Variants in IK observed in about 807,000 individuals in gnomAD.
The protein encoded by IK is protein Red.
IK carries 47 observed loss-of-function variants against 90.9 expected under a neutral mutation model. The observed-to-expected ratio is 0.52, with a 90% CI of 0.41 to 0.66. The LOEUF (loss-of-function observed/expected upper bound fraction) is 0.66. IK is among the 30% of genes least tolerant of loss of function. The pLI, the probability that IK is intolerant of heterozygous loss-of-function variation, is 0.00. For synonymous variants in IK, 201 were observed against 227.5 expected (o/e 0.88, Z 1.05); for missense variants, 385 against 709.3 (o/e 0.54, Z 5.19).
At position 140,658,770 on chromosome 5, in the gene IK, A is replaced by C. The variant is rs962738430; in HGVS notation, c.944A>C (p.Asp315Ala). 1.2e-6 allele frequency: 2 copies of C among 1,611,568 alleles called. No homozygotes were observed. The highest frequency in any genetic ancestry group is 2.7e-5 in the African/African-American group (2 of 74,916). Residue 315 changes from aspartate (D) to alanine (A), a missense_variant, in exon 11 of 20, where the codon GAC becomes GCC. By Grantham distance (126) the Asp-to-Ala change is moderately radical (BLOSUM62 -2). This residue lies in a region of IK where 139 missense variants were observed against 172.0 expected (regional missense o/e 0.81). Coordinates refer to ENST00000417647, the MANE Select transcript of IK (RefSeq NM_006083.4). ...KLEEKKPPEADMNIFEDIGDY... is the reference protein window; with the variant it reads ...KLEEKKPPEAAMNIFEDIGDY... ...GAAGAGAAGAAACCTCCTGAGGCTG[A>C]CATGAAGTATGTATCCTAGCCCCTG...
chr5:140,660,820 G>A lies in IK; in HGVS notation c.1413+5G>A. On this transcript the variant is annotated splice_donor_5th_base_variant and intron_variant, in intron 16 of 19. Transcript: ENST00000417647. ...GATTATAGCAAAATGGACCAGGTATGTAGTTAGAAGGATGGTGGGCGCCTT... is the reference window on the plus strand; with the variant it reads ...GATTATAGCAAAATGGACCAGGTATATAGTTAGAAGGATGGTGGGCGCCTT... 1 of 1,610,136 alleles carries A rather than the reference G, an allele frequency of 6.2e-7. No individual in the cohort carries two copies.
chr5:140,660,041 C>G (rs1449744689), intron 14 of IK, 74 bp from the exon 15 acceptor site: 41 of 1,344,484 alleles, frequency 3.0e-5, no homozygotes, highest in Non-Finnish European at 4.2e-5. Flanking sequence ...GCTTCTAGCC[C>G]TTGGCCCCCT....
intron 9 of IK, among the ~76,000 whole-genome samples, 178 bp from the exon 10 acceptor site, chr5:140,657,376 T>C (rs544408008): frequency 5.9e-5 from 9 of 152,318 alleles, no homozygotes; most frequent in African/African-American, 2.2e-4. Context: ...TTGATTCATT[T>C]TGATGCAGGG....
Position 140,656,359 on chromosome 5 carries a change from A to AT in IK, c.801+374dup, listed in dbSNP as rs572765690. ...AGGCATTCATCACCACACCTGGTTA[A>AT]TTTTTTTATTTTTAGTAGAGATTGG... On this transcript the variant is annotated intron_variant, in intron 9 of 19. Transcript: ENST00000417647. Among the ~76,000 whole-genome samples the AT allele has an allele frequency of 3.4e-3, 522 of 152,194 alleles. 6 individuals are homozygous for AT. Among genetic ancestry groups the AT allele is most frequent in the African/African-American group, 0.012 (495 of 41,512 alleles).
rs866319180 is a variant in IK, at chr5:140,653,665, C to T, written c.405-273C>T. ...TGTTGCCCAGGCTGGAGTGCAGTAGCGCGATCTCAGCTCACTGCAGCCTCC... is the reference window on the plus strand; with the variant it reads ...TGTTGCCCAGGCTGGAGTGCAGTAGTGCGATCTCAGCTCACTGCAGCCTCC... On this transcript the variant is annotated intron_variant, in intron 5 of 19. Transcript: ENST00000417647. Among the ~76,000 whole-genome samples the T allele has an allele frequency of 1.5e-4, 20 of 135,736 alleles. No individual in the cohort carries two copies. The Middle Eastern group carries it at 0.018, about 119-fold the overall frequency. The allele number at this position is 135,736 out of a possible 152,430, so 89.0% of individuals were successfully genotyped here.
chr5:140,653,904 G>A lies in IK; in HGVS notation c.405-34G>A, dbSNP rs1418496020. ...AGGCGTGATCCACCACGCCTGGACA[G>A]TACTGTTCTTATGTGGCCTCTTTCA... On this transcript the variant is annotated intron_variant, in intron 5 of 19. Transcript: ENST00000417647. 11 of 1,348,484 alleles carry A rather than the reference G, an allele frequency of 8.2e-6. No homozygotes were observed. The East Asian group carries it at 9.2e-5, about 11-fold the overall frequency. The allele number at this position is 1,348,484 out of a possible 1,614,324, so 83.5% of individuals were successfully genotyped here.
At chr5:140,652,008 A>G in intron 3 of IK, 80 bp from the exon 4 acceptor site, 1 of 1,142,880 alleles carries the variant, frequency 8.7e-7, no homozygotes, top group Admixed American at 1.7e-5. Flanking sequence ...AGGTCTTTCT[A>G]AAAATCCTCA....
chr5:140,648,469 A>G lies in IK; in HGVS notation c.17-2A>G. 1 of 1,613,948 alleles carries G rather than the reference A, an allele frequency of 6.2e-7. No individual in the cohort carries two copies. The highest frequency in any genetic ancestry group is 8.5e-7 in the Non-Finnish European group (1 of 1,179,806). On this transcript the variant is annotated splice_acceptor_variant, in intron 1 of 19. Transcript: ENST00000417647. LOFTEE classifies it high-confidence loss of function. ...TAAATTAACGTCAATTTTTTTTGTC[A>G]GGTGAGCCGTTCTCCAACCCTTTGG...
At chr5:140,660,292 CTTTTTTTTT>C (rs200714869) in intron 15 of IK, 97 bp downstream of exon 15, 93 of 282,998 alleles carry the variant, frequency 3.3e-4, no homozygotes, top group Admixed American at 5.7e-4. Context: ...AGGGCTACTT[CTTTTTTTTT>C]TTTTTTTTTT....
chr5:140,659,054 C>G lies in IK; in HGVS notation c.1066C>G (p.Arg356Gly). 1 of 1,610,574 alleles carries G rather than the reference C, an allele frequency of 6.2e-7. No homozygotes were observed. The highest frequency in any genetic ancestry group is 8.5e-7 in the Non-Finnish European group (1 of 1,177,036). ...TCGGGAAAGAGACAGAGACCGTGACCGAGAGCGAGAGCGAGAACGAGATCG... is the reference window on the plus strand; with the variant it reads ...TCGGGAAAGAGACAGAGACCGTGACGGAGAGCGAGAGCGAGAACGAGATCG... ...RDRERDRDRD[R>G]ERERERDRER... Residue 356 changes from arginine to glycine, a missense_variant, in exon 12 of 20, where the codon CGA becomes GGA. Transcript: ENST00000417647.
At chr5:140,649,916 G>C (rs1353039810) in intron 2 of IK, among the ~76,000 whole-genome samples, 1 of 152,160 alleles carries the variant, frequency 6.6e-6, no homozygotes. Context: ...TAAAATATTT[G>C]AGTTAAATGA....
intron 15 of IK, 108 bp from the exon 16 acceptor site, chr5:140,660,650 T>C: frequency 2.5e-6 from 2 of 805,492 alleles, no homozygotes; most frequent in East Asian, 2.5e-5. Flanking sequence ...AAGTGGGAGG[T>C]CTAGGGGGTG....
intron 5 of IK, among the ~76,000 whole-genome samples, chr5:140,653,580 GC>G (rs544376902): frequency 0.024 from 1,794 of 73,952 alleles, 13 homozygotes; most frequent in African/African-American, 0.086. Context: ...ACCGCACCTG[GC>G]CCCCCAACCC....
intron 6 of IK, 132 bp downstream of exon 6, chr5:140,654,184 A>G (rs1757667934): frequency 1.6e-6 from 1 of 644,584 alleles, no homozygotes; most frequent in African/African-American, 1.8e-5. Flanking sequence ...GCCCCTCTGA[A>G]AAGCTGATTG....
At chr5:140,652,216 T>A in intron 4 of IK, 69 bp downstream of exon 4, 1 of 1,173,348 alleles carries the variant, frequency 8.5e-7, no homozygotes, top group Non-Finnish European at 1.3e-6. Flanking sequence ...TAGGGGCTAA[T>A]TATGAAGCTA....
rs754800985 is a variant in IK at position 140,651,797 on chromosome 5, G to A, written c.167G>A (p.Arg56His). ...ACCTCTGCACCACCTTCTAAGTCAC[G>A]TCACCATGAGTAAGTCTTTGGGTGA... ...APTSAPPSKS[R>H]HHEMPREYNE... Residue 56 changes from arginine to histidine, a missense_variant, in exon 3 of 20, where the codon CGT becomes CAT. Physicochemically the swap from Arg to His is conservative, Grantham distance 29. This residue lies in a region of IK where 64 missense variants were observed against 144.6 expected (regional missense o/e 0.44). Coordinates refer to ENST00000417647, the MANE Select transcript of IK (RefSeq NM_006083.4). 5.6e-6 allele frequency: 9 copies of A among 1,601,122 alleles called. No homozygotes were observed. Among genetic ancestry groups the A allele is most frequent in the South Asian group, 3.3e-5 (3 of 90,730 alleles).
chr5:140,648,468 C>G lies in IK; in HGVS notation c.17-3C>G, dbSNP rs1386847296. 2 of 1,613,754 alleles carry G rather than the reference C, an allele frequency of 1.2e-6. No individual in the cohort carries two copies. Among genetic ancestry groups the G allele is most frequent in the Admixed American group, 1.7e-5 (1 of 60,024 alleles). ...TTAAATTAACGTCAATTTTTTTTGT[C>G]AGGTGAGCCGTTCTCCAACCCTTTG... On this transcript the variant is annotated splice_polypyrimidine_tract_variant and splice_region_variant and intron_variant, in intron 1 of 19. Coordinates refer to ENST00000417647, the MANE Select transcript of IK (RefSeq NM_006083.4).
chr5:140,660,107 T>G lies in IK; in HGVS notation c.1275-8T>G. The G allele has an allele frequency of 6.2e-7, 1 of 1,612,138 alleles. No homozygotes were observed. Among genetic ancestry groups the G allele is most frequent in the Admixed American group, 1.7e-5 (1 of 59,972 alleles). Reference sequence around the variant, plus strand: ...ATCCTGTGTAGTGTTTTCTTTAACATAGCATATGCTGAAGAAGCCAGAAGA... The same window carrying G: ...ATCCTGTGTAGTGTTTTCTTTAACAGAGCATATGCTGAAGAAGCCAGAAGA... On this transcript the variant is annotated splice_polypyrimidine_tract_variant and splice_region_variant and intron_variant, in intron 14 of 19. Coordinates refer to ENST00000417647, the MANE Select transcript of IK (RefSeq NM_006083.4).
chr5:140,658,865 A>AATCTG, intron 11 of IK, 74 bp from the exon 12 acceptor site: 1 of 1,600,500 alleles, frequency 6.2e-7, no homozygotes. Context: ...CTGACATGAG[A>AATCTG]ATCTGGAGAA....
Sources: allele counts gnomAD v4.1 joint callset (sites outside exome capture counted in the v4.1 genomes callset), GRCh38; gene constraint gnomAD v4.1.1; regional missense constraint gnomAD v4.1.1; transcripts MANE v1.5; gene names NCBI Gene and HGNC (gene_info 2026-07-23, HGNC 2026-07-21).